Variants in AHDC1 observed in about 807,000 individuals in gnomAD.
The protein encoded by AHDC1 is AT-hook DNA binding motif containing 1.
In AHDC1, 7 loss-of-function variants were observed where a neutral mutation model predicts 87.9. That is an observed-to-expected ratio of 0.08 (90% CI 0.05 to 0.15). The LOEUF is 0.15. Among genes scored for constraint, AHDC1 ranks in the 10% least tolerant of loss-of-function variants. The probability of loss-of-function intolerance (pLI) is 1.00; values close to 1 mark genes in which losing one functional copy is unlikely to be tolerated. For synonymous variants in AHDC1, 1,051 were observed against 1,006.8 expected (o/e 1.04, Z -0.83); for missense variants, 1,841 against 2,253.2 (o/e 0.82, Z 3.70).
At chr1:27,589,984 T>C (rs1443658726) in intron 3 of AHDC1, among the ~76,000 whole-genome samples, 1 of 152,024 alleles carries the variant, frequency 6.6e-6, no homozygotes, top group Admixed American at 6.5e-5. Context: ...CACTGTGGGC[T>C]GGGCAGGGCT....
rs2019926020 is a variant in AHDC1 at position 27,558,474 on chromosome 1, A to G, written c.-394T>C. On this transcript the variant is annotated 5_prime_UTR_variant, in exon 5 of 9. Coordinates refer to ENST00000673934, the MANE Select transcript of AHDC1 (RefSeq NM_001371928.1). The surrounding 1 kb of genome is among the most constrained non-coding windows in gnomAD (Gnocchi z 5.6). ...CTCAGGTCATCAAGGCGCAGGGAAG[A>G]GTCCTCAGGCTAGGAGGTAGGACTC... 4 of 322,174 alleles carry G rather than the reference A, an allele frequency of 1.2e-5. No homozygotes were observed. Among genetic ancestry groups the G allele is most frequent in the African/African-American group, 2.1e-5 (1 of 47,148 alleles). The allele number at this position is 322,174 out of a possible 1,614,324, so 20.0% of individuals were successfully genotyped here.
At chr1:27,587,722 C>G (rs997921849) in intron 3 of AHDC1, among the ~76,000 whole-genome samples, 3 of 152,132 alleles carry the variant, frequency 2.0e-5, no homozygotes, top group Non-Finnish European at 4.4e-5. Context: ...CATCTGATGT[C>G]CCCCCATGTC....
rs1268206051 is a variant in AHDC1 at position 27,549,037 on chromosome 1, C to A, written c.3079G>T (p.Gly1027Cys). 6.4e-7 allele frequency: 1 copy of A among 1,574,530 alleles called. No individual in the cohort carries two copies. The highest frequency in any genetic ancestry group is 1.8e-5 in the Admixed American group (1 of 54,942). Reference protein sequence around the residue: ...SAGYAPPPTGGPCLPPSKASF... With the variant: ...SAGYAPPPTGCPCLPPSKASF... ...GCCTTGCTTGGTGGCAGGCAGGGGC[C>A]CCCGGTAGGCGGTGGGGCATAGCCG... Residue 1027 changes from glycine (G) to cysteine (C), a missense_variant, in exon 8 of 9, where the codon GGC (glycine) becomes TGC (cysteine). By Grantham distance (159) the Gly-to-Cys change is radical. Transcript: ENST00000673934.
intron 3 of AHDC1, among the ~76,000 whole-genome samples, chr1:27,564,222 C>G (rs1182022372): frequency 1.3e-5 from 2 of 152,184 alleles, no homozygotes; most frequent in East Asian, 3.9e-4. Flanking sequence ...GGGTTCCAGT[C>G]TGAGCTCCTC....
In AHDC1 at chr1:27,593,564, G is replaced by A. The variant is rs1260934258; in HGVS notation, c.-629+9833C>T. The stretch of plus-strand genomic sequence containing the variant: ...GGTGCTGCCCCAGTCCCACAGCCAC[G>A]GCTCCAGCTGGGGTCAGGCATGCCA... On this transcript the variant is annotated intron_variant, in intron 3 of 8. Transcript: ENST00000673934. The surrounding 1 kb of genome is among the most constrained non-coding windows in gnomAD (Gnocchi z 4.9). 4.6e-5 allele frequency among the ~76,000 whole-genome samples: 7 copies of A among 152,332 alleles called. No homozygotes were observed. Among genetic ancestry groups the A allele is most frequent in the East Asian group, 1.9e-4 (1 of 5,182 alleles).
rs953226856 is a variant in AHDC1, at chr1:27,565,214, G to T, written c.-628-6331C>A. On this transcript the variant is annotated intron_variant, in intron 3 of 8. Transcript: ENST00000673934. The surrounding 1 kb of genome is among the most constrained non-coding windows in gnomAD (Gnocchi z 4.6). ...GCCGAGGGGGCCCAGCATGCCTTGC[G>T]TGCAACCTGCCTCCCCCAGGCACCC... is the stretch of plus-strand genomic sequence containing the variant. Among the ~76,000 whole-genome samples, 2 of 151,366 alleles carry T rather than the reference G, an allele frequency of 1.3e-5. No homozygotes were observed. Among genetic ancestry groups the T allele is most frequent in the Non-Finnish European group, 2.9e-5 (2 of 67,840 alleles).
At chr1:27,553,217 G>T in intron 5 of AHDC1, 32 bp from the exon 6 acceptor site, 1 of 152,620 alleles carries the variant, frequency 6.6e-6, no homozygotes, top group Non-Finnish European at 1.5e-5. Flanking sequence ...CAGGTTTAGT[G>T]AGCACCTACT....
At position 27,561,499 on chromosome 1, in the gene AHDC1, G is replaced by T. The variant is rs937030385; in HGVS notation, c.-628-2616C>A. ...GCTGGGAGGCAGAGGACAGTGTGGTGGGGGGAACACAGCAAGGAGGGGTGC... is the reference window on the plus strand; with the variant it reads ...GCTGGGAGGCAGAGGACAGTGTGGTTGGGGGAACACAGCAAGGAGGGGTGC... On this transcript the variant is annotated intron_variant, in intron 3 of 8. Transcript: ENST00000673934. The surrounding 1 kb of genome is among the most constrained non-coding windows in gnomAD (Gnocchi z 4.2). Among the ~76,000 whole-genome samples the T allele has an allele frequency of 6.6e-6, 1 of 152,160 alleles. No individual in the cohort carries two copies. The highest frequency in any genetic ancestry group is 1.5e-5 in the Non-Finnish European group (1 of 68,030).
At chr1:27,541,920 G>A (rs896755450) in intron 8 of AHDC1, among the ~76,000 whole-genome samples, 4 of 152,234 alleles carry the variant, frequency 2.6e-5, no homozygotes, top group African/African-American at 9.6e-5. Flanking sequence ...GTGAGCCACC[G>A]CGCCTGGCAA....
intron 5 of AHDC1, among the ~76,000 whole-genome samples, chr1:27,555,205 G>C (rs148864414): frequency 1.1e-3 from 172 of 152,310 alleles, no homozygotes; most frequent in African/African-American, 3.8e-3. Context: ...CTAGTCCAGG[G>C]GAATGTGACT....
Position 27,547,849 on chromosome 1 carries a change from C to T in AHDC1, c.4267G>A (p.Glu1423Lys), listed in dbSNP as rs775977549. 4 of 1,548,134 alleles carry T rather than the reference C, an allele frequency of 2.6e-6. No individual in the cohort carries two copies. The highest frequency in any genetic ancestry group is 3.5e-6 in the Non-Finnish European group (4 of 1,144,692). ...RPPPTKLAAC[E>K]PLKHGLQGAS... ...CCCTGGAGTCCATGCTTGAGGGGCTCGCAGGCAGCCAGCTTTGTGGGCGGT... is the reference window on the plus strand; with the variant it reads ...CCCTGGAGTCCATGCTTGAGGGGCTTGCAGGCAGCCAGCTTTGTGGGCGGT... The change falls in exon 8 of 9, where the codon GAG becomes AAG. Residue 1423 changes from glutamate to lysine, a missense_variant. Coordinates refer to ENST00000673934, the MANE Select transcript of AHDC1 (RefSeq NM_001371928.1). This position sits in a 1 kb window ranked among gnomAD's most constrained non-coding sequence, Gnocchi z 4.9.
At chr1:27,544,622 G>A (rs538990147) in intron 8 of AHDC1, among the ~76,000 whole-genome samples, 1 of 152,288 alleles carries the variant, frequency 6.6e-6, no homozygotes, top group South Asian at 2.1e-4. Context: ...CTCCCTCTAT[G>A]AACTTTTTCC....
intron 5 of AHDC1, among the ~76,000 whole-genome samples, chr1:27,557,135 C>G (rs1224319551): frequency 6.6e-6 from 1 of 150,658 alleles, no homozygotes; most frequent in Non-Finnish European, 1.5e-5. Context: ...CCCCTGCCAG[C>G]CCCCTGCCCT....
rs548224792 is a variant in AHDC1, at chr1:27,582,535, G to A, written c.-629+20862C>T. On this transcript the variant is annotated intron_variant, in intron 3 of 8. Coordinates refer to ENST00000673934, the MANE Select transcript of AHDC1 (RefSeq NM_001371928.1). ...TCCTTGGTACATATCACCATCTAAC[G>A]ACCATTTATTTCACTTGTTTTTACA... Among the ~76,000 whole-genome samples the A allele has an allele frequency of 5.3e-5, 8 of 152,224 alleles. No homozygotes were observed. The South Asian group carries it at 1.5e-3, about 28-fold the overall frequency.
rs577983478 is a variant in AHDC1, at chr1:27,562,299, C to A, written c.-628-3416G>T. Reference sequence around the variant, plus strand: ...AACAGGCCCGAATAGTGCTGACTTGCGGTTCAGAAATCCAATATCCTCCCC... The same window carrying A: ...AACAGGCCCGAATAGTGCTGACTTGAGGTTCAGAAATCCAATATCCTCCCC... On this transcript the variant is annotated intron_variant, in intron 3 of 8. Transcript: ENST00000673934. This position sits in a 1 kb window ranked among gnomAD's most constrained non-coding sequence, Gnocchi z 4.4. Among the ~76,000 whole-genome samples, 5 of 152,250 alleles carry A rather than the reference C, an allele frequency of 3.3e-5. No homozygotes were observed. In the South Asian group the frequency reaches 6.2e-4, roughly 19 times the overall value.
rs2020207537 is a variant in AHDC1, at chr1:27,563,884, T to C, written c.-628-5001A>G. Among the ~76,000 whole-genome samples the C allele has an allele frequency of 6.6e-6, 1 of 152,128 alleles. No individual in the cohort carries two copies. Among genetic ancestry groups the C allele is most frequent in the Admixed American group, 6.5e-5 (1 of 15,286 alleles). On this transcript the variant is annotated intron_variant, in intron 3 of 8. Transcript: ENST00000673934. This position sits in a 1 kb window ranked among gnomAD's most constrained non-coding sequence, Gnocchi z 6.1. ...ACTCCACTCCATTTCTTATTCACTGTAGTTGTGTATCTAGGGAGGGGGCTG... is the reference window on the plus strand; with the variant it reads ...ACTCCACTCCATTTCTTATTCACTGCAGTTGTGTATCTAGGGAGGGGGCTG...
intron 3 of AHDC1, among the ~76,000 whole-genome samples, chr1:27,599,469 C>T (rs2089471650): frequency 6.6e-6 from 1 of 152,198 alleles, no homozygotes; most frequent in Admixed American, 6.5e-5. Context: ...CGGCCCCCTC[C>T]ACTCCCAGGA....
rs1325660442 is a variant in AHDC1 at position 27,551,691 on chromosome 1, C to T, written c.425G>A (p.Gly142Asp). Residue 142 changes from glycine to aspartate, a missense_variant, in exon 8 of 9, where the codon GGT becomes GAT. Coordinates refer to ENST00000673934, the MANE Select transcript of AHDC1 (RefSeq NM_001371928.1). ...GAGCCCACCACAGTCCAGGTGTACACCACTGTGCTGCAGGTCCTGGGAGAG... is the reference window on the plus strand; with the variant it reads ...GAGCCCACCACAGTCCAGGTGTACATCACTGTGCTGCAGGTCCTGGGAGAG... ...TRLSQDLQHS[G>D]VHLDCGGLRL... 6.2e-7 allele frequency: 1 copy of T among 1,613,636 alleles called. No individual in the cohort carries two copies.
intron 3 of AHDC1, chr1:27,567,948 C>T (rs2020395866): frequency 6.6e-6 from 1 of 152,266 alleles, no homozygotes; most frequent in Admixed American, 6.5e-5. Context: ...CCGTGCAACT[C>T]CCTGCTCTTA....
Sources: allele counts gnomAD v4.1 joint callset (sites outside exome capture counted in the v4.1 genomes callset), GRCh38; gene constraint gnomAD v4.1.1; non-coding constraint Gnocchi (gnomAD v3.1); transcripts MANE v1.5; gene names NCBI Gene and HGNC (gene_info 2026-07-23, HGNC 2026-07-21).